TNS3: variants seen among roughly 807,000 people sequenced by gnomAD.
TNS3 encodes the protein tensin-3.
Under a neutral mutation model 140.9 loss-of-function variants are expected in TNS3, and 45 were observed. The observed-to-expected ratio is 0.32, with a 90% CI of 0.25 to 0.41. The LOEUF is 0.41. TNS3 is among the 10% of genes least tolerant of loss of function. TNS3 has a pLI of 1.00. For missense variants in TNS3, 1,716 were observed against 1,906.7 expected, an observed-to-expected ratio of 0.90 and a Z score of 1.86; for synonymous variants, 815 against 788.4, an observed-to-expected ratio of 1.03 and a Z score of -0.56.
chr7:47,441,226 T>C (rs1314357570), intron 5 of TNS3, among the ~76,000 whole-genome samples: 2 of 152,200 alleles, frequency 1.3e-5, no homozygotes, highest in Non-Finnish European at 2.9e-5. Flanking sequence ...GTCGCCAGGC[T>C]GGAATGCAGT....
rs62446489 is a variant in TNS3 at position 47,564,714 on chromosome 7, C to T, written c.-265+17337G>A. Among the ~76,000 whole-genome samples the T allele has an allele frequency of 3.0e-3, 383 of 128,348 alleles. 2 individuals carry two copies. Among genetic ancestry groups the T allele is most frequent in the Non-Finnish European group, 5.2e-3 (317 of 60,420 alleles). The allele number at this position is 128,348 out of a possible 152,430, so 84.2% of individuals were successfully genotyped here. On this transcript the variant is annotated intron_variant, in intron 1 of 30. Transcript: ENST00000311160. ...TAAAATTTATTCATATATATATATGCGTATATACATGTATACGCATATATA... is the reference window on the plus strand; with the variant it reads ...TAAAATTTATTCATATATATATATGTGTATATACATGTATACGCATATATA...
chr7:47,334,314 A>T (rs1452067552), intron 20 of TNS3, among the ~76,000 whole-genome samples: 1 of 152,184 alleles, frequency 6.6e-6, no homozygotes, highest in Non-Finnish European at 1.5e-5. Context: ...CTGAACACAA[A>T]ATAGAAGTTG....
intron 4 of TNS3, chr7:47,453,299 T>C (rs1796106291): frequency 1.0e-6 from 1 of 976,714 alleles, no homozygotes; most frequent in African/African-American, 1.8e-5. Context: ...GAGAGCCTTC[T>C]GACCAGGAAG....
intron 20 of TNS3, among the ~76,000 whole-genome samples, chr7:47,340,596 T>TTC (rs1390511745): frequency 6.7e-6 from 1 of 149,586 alleles, no homozygotes; most frequent in Non-Finnish European, 1.5e-5. Context: ...TTTTTTTTTT[T>TTC]TTTGAGACAG....
intron 4 of TNS3, among the ~76,000 whole-genome samples, chr7:47,455,227 G>A (rs1452929506): frequency 6.6e-6 from 1 of 152,108 alleles, no homozygotes; most frequent in East Asian, 1.9e-4. Context: ...CTCAATGTTT[G>A]CAAGGCTGAG....
At chr7:47,305,301 T>C (rs546292117) in intron 20 of TNS3, among the ~76,000 whole-genome samples, 24 of 152,340 alleles carry the variant, frequency 1.6e-4, no homozygotes, top group African/African-American at 5.5e-4. Context: ...GAGATGCACA[T>C]TGGGCCGCCT....
At chr7:47,572,121 G>A (rs1357131502) in intron 1 of TNS3, among the ~76,000 whole-genome samples, 1 of 152,242 alleles carries the variant, frequency 6.6e-6, no homozygotes, top group Non-Finnish European at 1.5e-5. Context: ...GACAAGCTGA[G>A]CTGATGTGGA....
At chr7:47,424,428 G>C (rs1441606833) in intron 9 of TNS3, among the ~76,000 whole-genome samples, 1 of 152,206 alleles carries the variant, frequency 6.6e-6, no homozygotes, top group African/African-American at 2.4e-5. Context: ...TGAAATAACA[G>C]CTCCTTATCT....
At chr7:47,502,247 G>A (rs1346180843) in intron 3 of TNS3, among the ~76,000 whole-genome samples, 1 of 152,144 alleles carries the variant, frequency 6.6e-6, no homozygotes, top group East Asian at 1.9e-4. Flanking sequence ...CAATCCCTGG[G>A]ACCCAGCAGG....
chr7:47,564,906 A>T (rs1399252885), intron 1 of TNS3, among the ~76,000 whole-genome samples: 1 of 151,488 alleles, frequency 6.6e-6, no homozygotes, highest in Non-Finnish European at 1.5e-5. Context: ...CCACATTCAC[A>T]CGTGGCTACC....
chr7:47,378,673 G>T lies in TNS3; in HGVS notation c.1025-9052C>A, dbSNP rs185642827. ...TAGGCTCAAACCAAACCCAGAAGGG[G>T]TATGGATTCTCCTCTGCTTAACCCA... On this transcript the variant is annotated intron_variant, in intron 16 of 30. Transcript: ENST00000311160. Among the ~76,000 whole-genome samples, 132 of 152,292 alleles carry T rather than the reference G, an allele frequency of 8.7e-4. No homozygotes were observed. The Middle Eastern group carries it at 0.02, about 24-fold the overall frequency.
chr7:47,533,991 T>C (rs931491225), intron 1 of TNS3, among the ~76,000 whole-genome samples: 8 of 152,058 alleles, frequency 5.3e-5, no homozygotes, highest in African/African-American at 1.7e-4. Context: ...AAGAACTTCA[T>C]GGCCAAGCGC....
rs143822868 is a variant in TNS3, at chr7:47,280,395, G to A, written c.4098-41C>T. 1.3e-4 allele frequency: 205 copies of A among 1,594,832 alleles called. No individual in the cohort carries two copies. The East Asian group carries it at 4.6e-3, about 35-fold the overall frequency. On this transcript the variant is annotated intron_variant, in intron 28 of 30. Coordinates refer to ENST00000311160, the MANE Select transcript of TNS3 (RefSeq NM_022748.12). Reference sequence around the variant, plus strand: ...GGAGAGAGGATGGCTCCTGTTACTAGGGCTTTTGGGTGATGGGGGATGCAC... The same window carrying A: ...GGAGAGAGGATGGCTCCTGTTACTAAGGCTTTTGGGTGATGGGGGATGCAC...
intron 20 of TNS3, among the ~76,000 whole-genome samples, chr7:47,335,286 T>C (rs1445175206): frequency 6.6e-6 from 1 of 152,190 alleles, no homozygotes; most frequent in Non-Finnish European, 1.5e-5. Context: ...GGGTGAAGCC[T>C]GGTTGGGCCC....
chr7:47,411,954 A>T, intron 12 of TNS3, 152 bp from the exon 13 acceptor site: 1 of 762,990 alleles, frequency 1.3e-6, no homozygotes, highest in East Asian at 2.7e-5. Flanking sequence ...ATCTAAATGA[A>T]TCTAAAAAGG....
At chr7:47,341,082 A>G (rs920453165) in intron 20 of TNS3, among the ~76,000 whole-genome samples, 2 of 152,184 alleles carry the variant, frequency 1.3e-5, no homozygotes, top group African/African-American at 4.8e-5. Flanking sequence ...CTTGCATCTC[A>G]GAATATGTCC....
At chr7:47,349,730 G>GA (rs771638228) in intron 17 of TNS3, among the ~76,000 whole-genome samples, 11 of 152,134 alleles carry the variant, frequency 7.2e-5, no homozygotes, top group African/African-American at 2.4e-4. Flanking sequence ...GAAACGCCAG[G>GA]AAAAAACAGG....
At chr7:47,486,557 C>A (rs1422247093) in intron 3 of TNS3, among the ~76,000 whole-genome samples, 1 of 152,140 alleles carries the variant, frequency 6.6e-6, no homozygotes, top group Non-Finnish European at 1.5e-5. Flanking sequence ...CACCATTACC[C>A]CCAGTGCTAA....
intron 1 of TNS3, among the ~76,000 whole-genome samples, chr7:47,568,993 C>T (rs908328645): frequency 2.6e-5 from 4 of 152,254 alleles, no homozygotes; most frequent in Admixed American, 6.5e-5. Context: ...ACACCCACTC[C>T]TCCTCCAGGC....
Sources: allele counts gnomAD v4.1 joint callset (sites outside exome capture counted in the v4.1 genomes callset), GRCh38; gene constraint gnomAD v4.1.1; transcripts MANE v1.5; gene names NCBI Gene and HGNC (gene_info 2026-07-23, HGNC 2026-07-21).